CHRM2: variants seen among roughly 807,000 people sequenced by gnomAD.
The protein encoded by CHRM2 is cholinergic receptor muscarinic 2.
CHRM2 carries 8 observed loss-of-function variants against 25.0 expected under a neutral mutation model. The observed-to-expected ratio is 0.32, with a 90% CI of 0.19 to 0.58. CHRM2 has a LOEUF of 0.58. CHRM2 is among the 20% of genes least tolerant of loss of function. CHRM2 has a pLI of 0.88. For missense variants in CHRM2, 440 were observed against 567.1 expected (o/e 0.78, Z 2.28); for synonymous variants, 202 against 205.7 (o/e 0.98, Z 0.15).
chr7:136,983,214 T>C (rs1024789657), intron 2 of CHRM2, among the ~76,000 whole-genome samples: 1 of 152,222 alleles, frequency 6.6e-6, no homozygotes, highest in African/African-American at 2.4e-5. Context: ...CTGTTATTCT[T>C]TCTTCCACTT....
At chr7:136,912,932 T>C (rs1584744021) in intron 2 of CHRM2, among the ~76,000 whole-genome samples, 1 of 151,806 alleles carries the variant, frequency 6.6e-6, no homozygotes, top group East Asian at 1.9e-4. Context: ...TGGTGAAGAG[T>C]TGACTGTGAT....
At chr7:136,896,841 C>T (rs547047996) in intron 2 of CHRM2, among the ~76,000 whole-genome samples, 1 of 151,970 alleles carries the variant, frequency 6.6e-6, no homozygotes, top group Non-Finnish European at 1.5e-5. Flanking sequence ...ACTACTTTAA[C>T]AAAGTTGAGG....
In CHRM2 at chr7:136,913,570, TACCTAATCACCAAAATAACCAAA is replaced by T. The variant is rs557951040; in HGVS notation, c.-125+44181_-125+44203del. ...CCAATACCTTTGACCTAATAACCAA[TACCTAATCACCAAAATAACCAAA>T]ACCTAATCACCAAAATAACCAAAAC... On this transcript the variant is annotated intron_variant, in intron 2 of 3. Coordinates refer to ENST00000680005, the MANE Select transcript of CHRM2 (RefSeq NM_001006630.2). Among the ~76,000 whole-genome samples the T allele has an allele frequency of 4.0e-3, 601 of 152,040 alleles. 3 individuals carry two copies. Among genetic ancestry groups the T allele is most frequent in the African/African-American group, 0.014 (570 of 41,518 alleles).
At chr7:136,994,846 T>C (rs543741816) in intron 3 of CHRM2, among the ~76,000 whole-genome samples, 185 of 152,100 alleles carry the variant, frequency 1.2e-3, no homozygotes, top group African/African-American at 3.8e-3. Flanking sequence ...CTCAGCTTAG[T>C]TTAATAGGGA....
intron 2 of CHRM2, among the ~76,000 whole-genome samples, chr7:136,872,301 G>GTT (rs1464234205): frequency 1.3e-5 from 2 of 152,174 alleles, no homozygotes; most frequent in Non-Finnish European, 2.9e-5. Context: ...CAAAGAGCAT[G>GTT]TTTTCAGCTC....
chr7:136,912,132 A>G (rs1032923449), intron 2 of CHRM2, among the ~76,000 whole-genome samples: 2 of 151,836 alleles, frequency 1.3e-5, no homozygotes, highest in African/African-American at 4.8e-5. Flanking sequence ...ATTTTTTTTA[A>G]TATCATAAAG....
At chr7:136,952,819 G>T (rs760764426) in intron 2 of CHRM2, among the ~76,000 whole-genome samples, 34 of 152,148 alleles carry the variant, frequency 2.2e-4, no homozygotes, top group Non-Finnish European at 2.5e-4. Flanking sequence ...AGAACATAAG[G>T]TATTTGGTTT....
At chr7:137,001,127 T>C (rs1804007097) in intron 3 of CHRM2, among the ~76,000 whole-genome samples, 2 of 152,076 alleles carry the variant, frequency 1.3e-5, no homozygotes, top group African/African-American at 4.8e-5. Flanking sequence ...CCAAACATAA[T>C]GAAAACTCCC....
At chr7:136,894,714 A>C (rs1796825293) in intron 2 of CHRM2, among the ~76,000 whole-genome samples, 1 of 152,130 alleles carries the variant, frequency 6.6e-6, no homozygotes, top group Non-Finnish European at 1.5e-5. Flanking sequence ...TTTATTTTTC[A>C]ATCAGAAAAA....
chr7:136,976,043 T>C (rs1802083291), intron 2 of CHRM2, among the ~76,000 whole-genome samples: 1 of 152,136 alleles, frequency 6.6e-6, no homozygotes, highest in Non-Finnish European at 1.5e-5. Flanking sequence ...AGAAGTTAAA[T>C]TATAACTAGA....
At chr7:137,009,679 C>A (rs1804677717) in intron 3 of CHRM2, among the ~76,000 whole-genome samples, 1 of 151,782 alleles carries the variant, frequency 6.6e-6, no homozygotes, top group Non-Finnish European at 1.5e-5. Flanking sequence ...AGTTGGGTGC[C>A]CTTGGTTTGA....
chr7:136,921,615 C>A (rs1256817809), intron 2 of CHRM2, among the ~76,000 whole-genome samples: 1 of 151,984 alleles, frequency 6.6e-6, no homozygotes, highest in Non-Finnish European at 1.5e-5. Context: ...TACATCACTG[C>A]AATACTCTTG....
At chr7:136,918,840 C>T (rs184891379) in intron 2 of CHRM2, among the ~76,000 whole-genome samples, 83 of 152,180 alleles carry the variant, frequency 5.5e-4, no homozygotes, top group African/African-American at 1.8e-3. Context: ...CATCTGTTCT[C>T]TCCTTGGAGA....
At chr7:136,952,786 C>T (rs1800491704) in intron 2 of CHRM2, among the ~76,000 whole-genome samples, 1 of 152,056 alleles carries the variant, frequency 6.6e-6, no homozygotes, top group Admixed American at 6.5e-5. Context: ...GTGTTCCTAT[C>T]ACTTAGCTCC....
chr7:136,934,428 C>T (rs1799296396), intron 2 of CHRM2, among the ~76,000 whole-genome samples: 2 of 152,042 alleles, frequency 1.3e-5, no homozygotes, highest in South Asian at 4.1e-4. Context: ...CTCTGTAGTC[C>T]ATCTCTCTTT....
intron 3 of CHRM2, among the ~76,000 whole-genome samples, chr7:136,997,604 A>T (rs1015151786): frequency 1.3e-5 from 2 of 152,164 alleles, no homozygotes; most frequent in Non-Finnish European, 2.9e-5. Flanking sequence ...CATCTTTGAG[A>T]CTCAATGCAC....
chr7:136,916,917 T>G (rs888321595), intron 2 of CHRM2, among the ~76,000 whole-genome samples: 3 of 151,656 alleles, frequency 2.0e-5, no homozygotes, highest in Non-Finnish European at 2.9e-5. Flanking sequence ...AAACTTAGTC[T>G]CAGATCTCAG....
intron 2 of CHRM2, among the ~76,000 whole-genome samples, chr7:136,874,569 C>T (rs772706340): frequency 6.9e-5 from 7 of 101,228 alleles, no homozygotes; most frequent in African/African-American, 1.9e-4. Flanking sequence ...CTCTCTCTGC[C>T]CCCCCTCTCT....
chr7:137,011,353 G>C lies in CHRM2; in HGVS notation c.-46-3467G>C, dbSNP rs529950137. Among the ~76,000 whole-genome samples, 21 of 151,870 alleles carry C rather than the reference G, an allele frequency of 1.4e-4. No individual in the cohort carries two copies. In the South Asian group the frequency reaches 2.7e-3, roughly 20 times the overall value. On this transcript the variant is annotated intron_variant, in intron 3 of 3. Coordinates refer to ENST00000680005, the MANE Select transcript of CHRM2 (RefSeq NM_001006630.2). ...GCTAAGTCCAAAGGCCTCAGAACTA[G>C]GGAAGTGGATGGTGTAACTCTTAGA...
Sources: gnomAD v4.1 joint callset for allele counts (sites outside exome capture counted in the v4.1 genomes callset) on GRCh38, gnomAD v4.1.1 for gene constraint, MANE v1.5 for transcripts, NCBI Gene and HGNC (gene_info 2026-07-23, HGNC 2026-07-21) for gene names.